Variants in AGMO observed in about 807,000 individuals in gnomAD.
AGMO encodes the protein glyceryl-ether monooxygenase.
Under a neutral mutation model 60.2 loss-of-function variants are expected in AGMO, and 75 were observed. The ratio of observed to expected loss-of-function variants is 1.25; its 90% confidence interval spans 1.03 to 1.51. AGMO has a LOEUF of 1.51. Among genes scored for constraint, AGMO ranks in the 40% most tolerant of loss-of-function variants. The probability of loss-of-function intolerance (pLI) is 0.00; values close to 1 mark genes in which losing one functional copy is unlikely to be tolerated. For synonymous variants in AGMO, 261 were observed against 177.1 expected (o/e 1.47, Z -3.76); for missense variants, 763 against 525.5 (o/e 1.45, Z -4.42).
chr7:15,531,476 C>CTATATATAT (rs1562557398), intron 3 of AGMO, among the ~76,000 whole-genome samples: 1 of 31,180 alleles, frequency 3.2e-5, no homozygotes, highest in African/African-American at 1.6e-4. Context: ...TATATATATT[C>CTATATATAT]TCTATATATA....
At position 15,384,217 on chromosome 7, in the gene AGMO, A is replaced by C. The variant is rs6976409; in HGVS notation, c.1074+1229T>G. Among the ~76,000 whole-genome samples the C allele has an allele frequency of 2.4e-3, 364 of 152,224 alleles. 2 individuals carry two copies. The highest frequency in any genetic ancestry group is 6.8e-3 in the Middle Eastern group (2 of 294). ...CTCCCAAAGTGCTGGGATTACAGGC[A>C]TGAGCCACCACGCCCAGCCTCAATT... On this transcript the variant is annotated intron_variant, in intron 10 of 12. Transcript: ENST00000342526.
chr7:15,483,059 G>A (rs1050828298), intron 3 of AGMO, among the ~76,000 whole-genome samples: 6 of 152,016 alleles, frequency 3.9e-5, no homozygotes, highest in African/African-American at 1.4e-4. Flanking sequence ...AGTGAGGCAA[G>A]AAGAAATCAA....
chr7:15,190,994 C>T, the AGMO span, among the ~76,000 whole-genome samples: 2 of 152,132 alleles, frequency 1.3e-5, no homozygotes, highest in East Asian at 1.9e-4. Flanking sequence ...CAATTCTTAC[C>T]TTAGGTTTCT....
chr7:15,309,188 A>G (rs1780695936), intron 12 of AGMO, among the ~76,000 whole-genome samples: 1 of 152,146 alleles, frequency 6.6e-6, no homozygotes, highest in Non-Finnish European at 1.5e-5. Context: ...TTGGGGGAAC[A>G]TCTTAATTGC....
intron 3 of AGMO, among the ~76,000 whole-genome samples, chr7:15,497,009 G>C (rs1783250973): frequency 1.3e-5 from 2 of 152,044 alleles, no homozygotes; most frequent in Non-Finnish European, 2.9e-5. Flanking sequence ...GCTCTTTGCT[G>C]GCTATAAATT....
intron 3 of AGMO, among the ~76,000 whole-genome samples, chr7:15,443,566 G>T (rs1157179843): frequency 6.6e-6 from 1 of 151,992 alleles, no homozygotes; most frequent in Non-Finnish European, 1.5e-5. Flanking sequence ...TCCCTAGATT[G>T]ATGCCTTATT....
intron 6 of AGMO, 73 bp downstream of exon 6, chr7:15,394,036 TTAAA>T (rs1784262192): frequency 3.7e-6 from 4 of 1,084,704 alleles, no homozygotes; most frequent in Non-Finnish European, 5.6e-6. Flanking sequence ...GAAATTGTGA[TTAAA>T]TGAGATTAAG....
chr7:15,403,611 AG>A (rs1329538120), intron 5 of AGMO, among the ~76,000 whole-genome samples: 9 of 152,034 alleles, frequency 5.9e-5, no homozygotes, highest in Non-Finnish European at 1.2e-4. Flanking sequence ...TTTTAGAAAA[AG>A]AATAAAATCC....
chr7:15,372,681 C>T (rs2128566540), intron 10 of AGMO, among the ~76,000 whole-genome samples: 1 of 152,200 alleles, frequency 6.6e-6, no homozygotes, highest in East Asian at 1.9e-4. Context: ...AATATTTAGT[C>T]TCCTGTGTTT....
chr7:15,439,833 G>T (rs1476458817), intron 3 of AGMO, among the ~76,000 whole-genome samples: 1 of 152,114 alleles, frequency 6.6e-6, no homozygotes, highest in Non-Finnish European at 1.5e-5. Flanking sequence ...GCCAGATCAA[G>T]GAGGAAGAGC....
At chr7:15,479,890 C>G (rs990682195) in intron 3 of AGMO, among the ~76,000 whole-genome samples, 1 of 151,866 alleles carries the variant, frequency 6.6e-6, no homozygotes, top group Non-Finnish European at 1.5e-5. Flanking sequence ...AGAAAGAACT[C>G]GATTAGGAAG....
At position 15,208,707 on chromosome 7, in the gene AGMO, T is replaced by A. The variant is rs1161507092; in HGVS notation, c.1264-7348A>T. On this transcript the variant is annotated intron_variant, in intron 12 of 12. Coordinates refer to ENST00000342526, the MANE Select transcript of AGMO (RefSeq NM_001004320.2). The stretch of plus-strand genomic sequence containing the variant: ...ATAGTTCTGTGAATTTAAAAATTCT[T>A]TAACTTTCTTATTTTACTCATATTT... 3.9e-5 allele frequency among the ~76,000 whole-genome samples: 6 copies of A among 152,308 alleles called. No homozygotes were observed. The East Asian group carries it at 1.2e-3, about 29-fold the overall frequency.
chr7:15,313,139 AAAC>A (rs1468958627), intron 12 of AGMO, among the ~76,000 whole-genome samples: 1 of 152,202 alleles, frequency 6.6e-6, no homozygotes, highest in Non-Finnish European at 1.5e-5. Context: ...CTAAAAATGA[AAAC>A]AAGTTTTAAG....
At chr7:15,543,743 A>G (rs1310739556) in intron 3 of AGMO, among the ~76,000 whole-genome samples, 1 of 152,020 alleles carries the variant, frequency 6.6e-6, no homozygotes, top group Non-Finnish European at 1.5e-5. Flanking sequence ...TGCATGTGCA[A>G]GTATCTTTTT....
At chr7:15,182,411 TTTTA>T in the AGMO span, among the ~76,000 whole-genome samples, 19 of 152,260 alleles carry the variant, frequency 1.2e-4, no homozygotes, top group African/African-American at 4.1e-4. Flanking sequence ...AATACACTGT[TTTTA>T]TTTATTTATT....
At chr7:15,289,124 A>C (rs2128521381) in intron 12 of AGMO, among the ~76,000 whole-genome samples, 1 of 152,172 alleles carries the variant, frequency 6.6e-6, no homozygotes, top group East Asian at 1.9e-4. Flanking sequence ...TTACAAAAAA[A>C]AATCTTTACT....
chr7:15,371,245 G>T (rs1388607592), intron 10 of AGMO, among the ~76,000 whole-genome samples: 2 of 151,974 alleles, frequency 1.3e-5, no homozygotes, highest in Admixed American at 6.6e-5. Context: ...TTGAAACAGA[G>T]TTTTACTCCC....
At chr7:15,207,677 G>A (rs111619179) in intron 12 of AGMO, among the ~76,000 whole-genome samples, 3 of 152,242 alleles carry the variant, frequency 2.0e-5, no homozygotes, top group Middle Eastern at 3.2e-3. Context: ...GCTCACGCCT[G>A]TAATCCCAAC....
intron 12 of AGMO, among the ~76,000 whole-genome samples, chr7:15,223,067 T>G (rs893599067): frequency 5.3e-5 from 8 of 152,022 alleles, no homozygotes; most frequent in Admixed American, 5.3e-4. Context: ...TAGTTTAGTT[T>G]TATATTTAAT....
Sources: allele counts gnomAD v4.1 joint callset (sites outside exome capture counted in the v4.1 genomes callset), GRCh38; gene constraint gnomAD v4.1.1; transcripts MANE v1.5; gene names NCBI Gene and HGNC (gene_info 2026-07-23, HGNC 2026-07-21).